Variants in KIAA0319 observed in about 807,000 individuals in gnomAD.
The protein encoded by KIAA0319 is KIAA0319.
KIAA0319 carries 83 observed loss-of-function variants against 108.4 expected under a neutral mutation model. The observed-to-expected ratio is 0.77, with a 90% CI of 0.64 to 0.92. The LOEUF is 0.92. KIAA0319 is among the 40% of genes least tolerant of loss of function. The pLI is 0.00. For synonymous variants in KIAA0319, 484 were observed against 510.4 expected (o/e 0.95, Z 0.70); for missense variants, 1,195 against 1,322.4 (o/e 0.90, Z 1.49).
chr6:24,541,058 G>C (rs1283059603), downstream of KIAA0319, among the ~76,000 whole-genome samples: 1 of 152,112 alleles, frequency 6.6e-6, no homozygotes, highest in Non-Finnish European at 1.5e-5. Context: ...GAAATCCCTG[G>C]CAGTACCTCT....
chr6:24,558,768 G>A (rs1046018937), intron 17 of KIAA0319, among the ~76,000 whole-genome samples: 2 of 152,142 alleles, frequency 1.3e-5, no homozygotes, highest in African/African-American at 4.8e-5. Flanking sequence ...TCTGCCAATA[G>A]CCATTATCTT....
At chr6:24,597,940 A>AAAAAAAAAAAC (rs1769963886) in intron 2 of KIAA0319, 2 of 147,080 alleles carry the variant, frequency 1.4e-5, no homozygotes, top group African/African-American at 5.3e-5. Flanking sequence ...AAAAAAAAAA[A>AAAAAAAAAAAC]AAAAAAAAAA....
chr6:24,641,082 C>T (rs770178012), intron 1 of KIAA0319, among the ~76,000 whole-genome samples: 2 of 152,210 alleles, frequency 1.3e-5, no homozygotes, highest in South Asian at 2.1e-4. Flanking sequence ...CCACCTACTC[C>T]CAGTTCCTGG....
At chr6:24,564,016 A>C (rs1444330069) in intron 15 of KIAA0319, among the ~76,000 whole-genome samples, 186 bp downstream of exon 15, 1 of 152,132 alleles carries the variant, frequency 6.6e-6, no homozygotes, top group Non-Finnish European at 1.5e-5. Context: ...TCTTTTAAAG[A>C]GTGATGAGGC....
At position 24,599,223 on chromosome 6, in the gene KIAA0319, G is replaced by A. The variant is rs1240583969; in HGVS notation, c.55+1826C>T. The A allele has an allele frequency of 9.8e-6, 5 of 511,834 alleles. No individual in the cohort carries two copies. The highest frequency in any genetic ancestry group is 2.9e-5 in the Admixed American group (1 of 34,024). The allele number at this position is 511,834 out of a possible 1,614,324, so 31.7% of individuals were successfully genotyped here. On this transcript the variant is annotated intron_variant, in intron 2 of 20. Coordinates refer to ENST00000378214, the MANE Select transcript of KIAA0319 (RefSeq NM_014809.4). The surrounding 1 kb of genome is among the most constrained non-coding windows in gnomAD (Gnocchi z 4.1). ...CCAGGTCAAGTATGAGGAGCTGCAGGCACTGGCTGGGAAGCACAGGGATGA... is the reference window on the plus strand; with the variant it reads ...CCAGGTCAAGTATGAGGAGCTGCAGACACTGGCTGGGAAGCACAGGGATGA...
Position 24,576,501 on chromosome 6 carries a change from C to A in KIAA0319, c.1601G>T (p.Gly534Val). The A allele has an allele frequency of 1.9e-6, 3 of 1,614,132 alleles. No individual in the cohort carries two copies. The highest frequency in any genetic ancestry group is 2.5e-6 in the Non-Finnish European group (3 of 1,180,010). Residue 534 changes from glycine to valine, a missense_variant, in exon 10 of 21, where the codon GGA (glycine) becomes GTA (valine). Coordinates refer to ENST00000378214, the MANE Select transcript of KIAA0319 (RefSeq NM_014809.4). ...GGGCAAAGTTATGGTGTGATTTGGT[C>A]CTGCATTAGCAACTGGTGGGTAGTC... ...AVDYPPVANA[G>V]PNHTITLPQN... is the part of the protein sequence containing the mutation.
At chr6:24,592,160 C>G (rs184505910) in intron 3 of KIAA0319, among the ~76,000 whole-genome samples, 1 of 152,126 alleles carries the variant, frequency 6.6e-6, no homozygotes. Context: ...ATAGTTTTAA[C>G]TCATATATTG....
intron 5 of KIAA0319, among the ~76,000 whole-genome samples, 186 bp from the exon 6 acceptor site, chr6:24,582,532 CTTG>C: frequency 6.7e-6 from 1 of 149,840 alleles, no homozygotes. Context: ...TCCCCTCACT[CTTG>C]TTATCATCTT....
At chr6:24,637,820 A>C (rs1776395133) in intron 1 of KIAA0319, among the ~76,000 whole-genome samples, 1 of 45,442 alleles carries the variant, frequency 2.2e-5, no homozygotes, top group Admixed American at 2.8e-4. Flanking sequence ...CAGATCCTTC[A>C]GTTAAAAAAA....
rs1769542971 is a variant in KIAA0319 at position 24,596,204 on chromosome 6, G to T, written c.470C>A (p.Ser157Ter). ...CTTCTCCAGCTCCCGGTAGTCATCT[G>T]AGTACTCAGACATCTCCTCTAGGCC... is the stretch of plus-strand genomic sequence containing the variant. ...DWGLEEMSEY[S>*]DDYRELEKDL... is the part of the protein sequence containing the mutation. Residue 157 changes from serine (S) to a stop codon, truncating the protein, a stop_gained, in exon 3 of 21, where the codon TCA becomes TAA. Transcript: ENST00000378214. LOFTEE classifies it high-confidence loss of function. 6.2e-7 allele frequency: 1 copy of T among 1,614,154 alleles called. No individual in the cohort carries two copies. The highest frequency in any genetic ancestry group is 1.3e-5 in the African/African-American group (1 of 75,046).
intron 1 of KIAA0319, among the ~76,000 whole-genome samples, chr6:24,628,433 C>T (rs1311327667): frequency 1.3e-5 from 2 of 152,164 alleles, no homozygotes; most frequent in African/African-American, 2.4e-5. Flanking sequence ...AGTGCAACTG[C>T]CCTGTGGGTT....
At chr6:24,590,312 C>T (rs1362978010) in intron 3 of KIAA0319, among the ~76,000 whole-genome samples, 1 of 140,848 alleles carries the variant, frequency 7.1e-6, no homozygotes, top group African/African-American at 2.7e-5. Context: ...AAAAAAAAAA[C>T]AAGACGAAAT....
At chr6:24,586,894 C>T (rs1767586422) in intron 4 of KIAA0319, among the ~76,000 whole-genome samples, 2 of 152,112 alleles carry the variant, frequency 1.3e-5, no homozygotes, top group South Asian at 4.1e-4. Context: ...ATCAGTTTTG[C>T]AGGCTCCTTC....
At chr6:24,645,229 A>G (rs1777466672) in intron 1 of KIAA0319, among the ~76,000 whole-genome samples, 1 of 152,230 alleles carries the variant, frequency 6.6e-6, no homozygotes, top group Admixed American at 6.5e-5. Flanking sequence ...ACAAACCAGC[A>G]ATAAAAGTGC....
chr6:24,560,299 G>A (rs1168153968), intron 16 of KIAA0319, among the ~76,000 whole-genome samples: 1 of 152,166 alleles, frequency 6.6e-6, no homozygotes, highest in African/African-American at 2.4e-5. Context: ...CACAGTGGCT[G>A]TACCATTTTA....
At chr6:24,564,362 AG>A in intron 14 of KIAA0319, 22 bp from the exon 15 acceptor site, 1 of 1,613,820 alleles carries the variant, frequency 6.2e-7, no homozygotes, top group Non-Finnish European at 8.5e-7. Flanking sequence ...CACGGATCAC[AG>A]GGCAGCTGTC....
rs773230026 is a variant in KIAA0319 at position 24,596,416 on chromosome 6, C to T, written c.258G>A (p.Glu86=). The T allele has an allele frequency of 9.3e-6, 15 of 1,614,090 alleles. No individual in the cohort carries two copies. The South Asian group carries it at 1.4e-4, about 15-fold the overall frequency. The change falls in exon 3 of 21, where the codon GAG becomes GAA. Residue 86 remains glutamate, a synonymous_variant. Transcript: ENST00000378214. Reference sequence around the variant, plus strand: ...GGCCCATCTTCTTGGGCTCACAGTTCTCTTTGTGGGGGCAGCTCACCAGGT... The same window carrying T: ...GGCCCATCTTCTTGGGCTCACAGTTTTCTTTGTGGGGGCAGCTCACCAGGT... ...RCYLVSCPHK[E]NCEPKKMGPI...
At chr6:24,573,850 C>T (rs2127466903) in intron 10 of KIAA0319, among the ~76,000 whole-genome samples, 1 of 152,256 alleles carries the variant, frequency 6.6e-6, no homozygotes, top group East Asian at 1.9e-4. Context: ...GGTGCAGTGG[C>T]TCATGCCTGT....
At chr6:24,559,220 C>G (rs138664101) in intron 16 of KIAA0319, 65 bp from the exon 17 acceptor site, 6 of 1,559,638 alleles carry the variant, frequency 3.8e-6, no homozygotes, top group Non-Finnish European at 5.2e-6. Context: ...GACACGCCCA[C>G]CACAGCATCT....
Sources: gnomAD v4.1 joint callset for allele counts (sites outside exome capture counted in the v4.1 genomes callset) on GRCh38, gnomAD v4.1.1 for gene constraint, Gnocchi (gnomAD v3.1) non-coding constraint, MANE v1.5 for transcripts, NCBI Gene and HGNC (gene_info 2026-07-23, HGNC 2026-07-21) for gene names.